The following KHDRBS3 variants were observed in gnomAD, a reference collection of about 807,000 sequenced individuals.
KHDRBS3 encodes KH RNA binding domain containing, signal transduction associated 3.
Under a neutral mutation model 45.6 loss-of-function variants are expected in KHDRBS3, and 23 were observed. The ratio of observed to expected loss-of-function variants is 0.50; its 90% CI spans 0.36 to 0.72. The LOEUF is 0.72. KHDRBS3 is among the 30% of genes least tolerant of loss of function. The pLI, the probability that KHDRBS3 is intolerant of heterozygous loss-of-function variation, is 0.00. For missense variants in KHDRBS3, 352 were observed against 424.8 expected (o/e 0.83, Z 1.51); for synonymous variants, 162 against 156.5 (o/e 1.04, Z -0.26).
At chr8:135,481,369 A>G (rs535315361) in intron 1 of KHDRBS3, among the ~76,000 whole-genome samples, 3 of 151,554 alleles carry the variant, frequency 2.0e-5, no homozygotes, top group Non-Finnish European at 4.4e-5. Context: ...CCTACAGGAA[A>G]CTGCATTGTC....
chr8:135,477,177 T>A (rs10088865), intron 1 of KHDRBS3, among the ~76,000 whole-genome samples: 5,779 of 152,256 alleles, frequency 0.038, 356 homozygotes, highest in African/African-American at 0.13. Flanking sequence ...TACAGCCATA[T>A]ATATTGATAG....
intron 4 of KHDRBS3, among the ~76,000 whole-genome samples, chr8:135,554,023 T>C (rs1563764171): frequency 6.6e-6 from 1 of 152,186 alleles, no homozygotes. Context: ...ACAGTGTCCA[T>C]TTGACACCAG....
At chr8:135,645,805 A>T (rs766618195) in intron 8 of KHDRBS3, among the ~76,000 whole-genome samples, 2 of 152,240 alleles carry the variant, frequency 1.3e-5, no homozygotes, top group Non-Finnish European at 2.9e-5. Context: ...ATCAGAGAAC[A>T]TGAAGCTTCA....
chr8:135,597,035 T>A (rs1291631943), intron 6 of KHDRBS3, among the ~76,000 whole-genome samples: 1 of 152,192 alleles, frequency 6.6e-6, no homozygotes, highest in South Asian at 2.1e-4. Context: ...TAAACTATAA[T>A]AATTAGATGT....
intron 1 of KHDRBS3, among the ~76,000 whole-genome samples, chr8:135,493,270 A>G (rs1823249269): frequency 1.3e-5 from 2 of 151,772 alleles, no homozygotes; most frequent in Admixed American, 1.3e-4. Context: ...TTTTCTCCCA[A>G]ATCTGAATTT....
At chr8:135,461,290 A>G (rs1032565010) in intron 1 of KHDRBS3, among the ~76,000 whole-genome samples, 5 of 151,964 alleles carry the variant, frequency 3.3e-5, no homozygotes, top group African/African-American at 4.8e-5. Context: ...TTTTTAGTAG[A>G]GACGGGGTTT....
At chr8:135,475,966 C>A (rs576344480) in intron 1 of KHDRBS3, among the ~76,000 whole-genome samples, 66 of 152,214 alleles carry the variant, frequency 4.3e-4, no homozygotes, top group African/African-American at 1.6e-3. Context: ...ATGGAGGGGC[C>A]TTATGGAGTT....
intron 7 of KHDRBS3, among the ~76,000 whole-genome samples, chr8:135,623,652 T>A (rs970670959): frequency 6.6e-6 from 1 of 151,636 alleles, no homozygotes; most frequent in African/African-American, 2.4e-5. Flanking sequence ...AAAGACCAGG[T>A]GGAAAATGGG....
chr8:135,524,050 C>G (rs540480445), intron 2 of KHDRBS3, among the ~76,000 whole-genome samples: 1 of 152,140 alleles, frequency 6.6e-6, no homozygotes, highest in Non-Finnish European at 1.5e-5. Flanking sequence ...GAGTCTCACT[C>G]TGTTGCCCAG....
rs1465573115 is a variant in KHDRBS3 at position 135,556,738 on chromosome 8, T to C, written c.472-710T>C. ...CCCTTTTTTGTAAAATAGATTACAT[T>C]TAAATTTACCCATGTCTTAGCTGAT... is the stretch of plus-strand genomic sequence containing the variant. On this transcript the variant is annotated intron_variant, in intron 4 of 8. Transcript: ENST00000355849. Among the ~76,000 whole-genome samples, 4 of 152,176 alleles carry C rather than the reference T, an allele frequency of 2.6e-5. No homozygotes were observed. In the East Asian group the frequency reaches 7.7e-4, roughly 29 times the overall value.
At chr8:135,513,073 A>T (rs1049285063) in intron 1 of KHDRBS3, among the ~76,000 whole-genome samples, 4 of 152,010 alleles carry the variant, frequency 2.6e-5, no homozygotes, top group Non-Finnish European at 5.9e-5. Context: ...AGTGGCAGGC[A>T]CCTGTAGTCC....
intron 6 of KHDRBS3, among the ~76,000 whole-genome samples, chr8:135,602,008 A>C (rs557166244): frequency 6.6e-6 from 1 of 152,256 alleles, no homozygotes; most frequent in East Asian, 1.9e-4. Flanking sequence ...TCCTCAGATA[A>C]AAAAATCTTA....
intron 3 of KHDRBS3, among the ~76,000 whole-genome samples, chr8:135,543,736 A>G (rs1364630872): frequency 6.6e-6 from 1 of 152,168 alleles, no homozygotes; most frequent in Non-Finnish European, 1.5e-5. Flanking sequence ...GAACTTGAGT[A>G]TATTATCTGG....
At chr8:135,551,350 A>G (rs1324826774) in intron 4 of KHDRBS3, among the ~76,000 whole-genome samples, 1 of 152,110 alleles carries the variant, frequency 6.6e-6, no homozygotes, top group Non-Finnish European at 1.5e-5. Flanking sequence ...AGGGGAAAGC[A>G]TTCAGTCTTT....
intron 4 of KHDRBS3, among the ~76,000 whole-genome samples, chr8:135,555,659 C>T (rs1826842292): frequency 6.6e-6 from 1 of 152,082 alleles, no homozygotes. Context: ...GCAGAAGAGA[C>T]TACTTAAAAA....
intron 6 of KHDRBS3, among the ~76,000 whole-genome samples, chr8:135,599,983 G>T (rs1829134063): frequency 1.4e-5 from 2 of 146,014 alleles, no homozygotes; most frequent in African/African-American, 5.0e-5. Context: ...CCAGGCAGCA[G>T]TGGCAGGCAC....
chr8:135,474,098 T>A (rs1469819809), intron 1 of KHDRBS3, among the ~76,000 whole-genome samples: 1 of 152,230 alleles, frequency 6.6e-6, no homozygotes, highest in Non-Finnish European at 1.5e-5. Context: ...CATTGTTCAT[T>A]TAATTCACTT....
chr8:135,620,615 T>A (rs1357386138), intron 7 of KHDRBS3, among the ~76,000 whole-genome samples: 1 of 152,216 alleles, frequency 6.6e-6, no homozygotes, highest in African/African-American at 2.4e-5. Flanking sequence ...TTTGAAGATA[T>A]TGTGGTTTTT....
chr8:135,523,303 G>A (rs1825011231), intron 2 of KHDRBS3, among the ~76,000 whole-genome samples: 2 of 152,134 alleles, frequency 1.3e-5, no homozygotes, highest in South Asian at 4.1e-4. Context: ...TCTATCAACA[G>A]CGCTTTGTAC....
Sources: allele counts gnomAD v4.1 joint callset (sites outside exome capture counted in the v4.1 genomes callset), GRCh38; gene constraint gnomAD v4.1.1; transcripts MANE v1.5; gene names NCBI Gene and HGNC (gene_info 2026-07-23, HGNC 2026-07-21).